ZNF782: variants seen among roughly 807,000 people sequenced by gnomAD.
ZNF782 encodes the protein zinc finger protein 782.
ZNF782 carries 12 observed loss-of-function variants against 13.0 expected under a neutral mutation model. The observed-to-expected ratio is 0.92, with a 90% CI of 0.59 to 1.50. The LOEUF (loss-of-function observed/expected upper bound fraction) is 1.50. ZNF782 is among the 40% of genes most tolerant of loss of function. The probability of loss-of-function intolerance (pLI) is 0.00; values close to 1 mark genes in which losing one functional copy is unlikely to be tolerated. For missense variants in ZNF782, 770 were observed against 822.9 expected (o/e 0.94, Z 0.79); for synonymous variants, 284 against 283.0 (o/e 1.00, Z -0.04).
the ZNF782 span, among the ~76,000 whole-genome samples, chr9:96,905,805 C>T: frequency 6.6e-6 from 1 of 152,208 alleles, no homozygotes; most frequent in Non-Finnish European, 1.5e-5. Flanking sequence ...AGGCTGGTCT[C>T]GAACTCCTGA....
chr9:96,841,036 G>C (rs1851173821), intron 4 of ZNF782, among the ~76,000 whole-genome samples: 2 of 151,814 alleles, frequency 1.3e-5, no homozygotes, highest in South Asian at 4.1e-4. Context: ...AGAGCAAGAA[G>C]ACAGAAATGA....
chr9:96,839,683 A>G (rs749911488), intron 4 of ZNF782, among the ~76,000 whole-genome samples: 2 of 151,696 alleles, frequency 1.3e-5, no homozygotes, highest in African/African-American at 2.4e-5. Context: ...GCTAAATTTT[A>G]TTACTTTCTG....
At chr9:96,919,218 C>T in the ZNF782 span, 1 of 124,986 alleles carries the variant, frequency 8.0e-6, no homozygotes, top group Middle Eastern at 3.8e-3. Flanking sequence ...TAGTGAACCT[C>T]CATCACCAAG....
the ZNF782 span, among the ~76,000 whole-genome samples, chr9:96,898,479 C>T: frequency 9.4e-5 from 14 of 148,988 alleles, 4 homozygotes; most frequent in East Asian, 2.5e-3. Flanking sequence ...AATGAAGTAT[C>T]AATACCTCAT....
chr9:96,848,133 C>A, intron 3 of ZNF782, among the ~76,000 whole-genome samples: 1 of 152,036 alleles, frequency 6.6e-6, no homozygotes, highest in East Asian at 1.9e-4. Context: ...TATAAAAGCT[C>A]TCAACAAACT....
At chr9:96,848,094 A>G (rs1851388339) in intron 3 of ZNF782, among the ~76,000 whole-genome samples, 1 of 152,246 alleles carries the variant, frequency 6.6e-6, no homozygotes, top group Non-Finnish European at 1.5e-5. Flanking sequence ...AGATGCAGAA[A>G]AAACATTTGA....
the ZNF782 span, among the ~76,000 whole-genome samples, chr9:96,912,499 C>T: frequency 9.4e-5 from 14 of 148,514 alleles, no homozygotes; most frequent in African/African-American, 3.4e-4. Context: ...ATCTCAAAAA[C>T]AAAAAGGCCA....
chr9:96,928,085 AT>A, the ZNF782 span, among the ~76,000 whole-genome samples: 1 of 150,594 alleles, frequency 6.6e-6, no homozygotes, highest in South Asian at 2.1e-4. Flanking sequence ...AGGAAAGAAA[AT>A]GTGGTGGCCA....
chr9:96,846,535 G>C (rs1236868360), intron 3 of ZNF782, among the ~76,000 whole-genome samples: 3 of 151,996 alleles, frequency 2.0e-5, no homozygotes, highest in African/African-American at 7.2e-5. Context: ...AAGCAAGCAG[G>C]AGTAGCTATT....
the ZNF782 span, among the ~76,000 whole-genome samples, chr9:96,901,688 C>T: frequency 2.6e-5 from 4 of 151,232 alleles, no homozygotes; most frequent in Admixed American, 6.6e-5. Context: ...GCCTAGCCAA[C>T]GTGGTGAAAC....
chr9:96,838,136 C>G (rs1017898755), intron 4 of ZNF782, among the ~76,000 whole-genome samples: 2 of 152,082 alleles, frequency 1.3e-5, no homozygotes, highest in African/African-American at 4.8e-5. Context: ...GAGAATTTTT[C>G]TTTGACTCAT....
At chr9:96,837,359 TATTTCTGTAGA>T (rs1312627429) in intron 4 of ZNF782, among the ~76,000 whole-genome samples, 1 of 152,234 alleles carries the variant, frequency 6.6e-6, no homozygotes, top group Admixed American at 6.5e-5. Flanking sequence ...TAATCAGTTT[TATTTCTGTAGA>T]ATTGCTAATA....
intron 1 of ZNF782, among the ~76,000 whole-genome samples, chr9:96,865,347 A>G (rs1425823695): frequency 2.6e-5 from 4 of 152,020 alleles, no homozygotes; most frequent in Non-Finnish European, 5.9e-5. Flanking sequence ...TGTTGTTCTC[A>G]TGATAGTGAA....
intron 5 of ZNF782, among the ~76,000 whole-genome samples, chr9:96,823,793 G>C (rs1850507621): frequency 6.6e-6 from 1 of 152,168 alleles, no homozygotes; most frequent in Non-Finnish European, 1.5e-5. Context: ...CTTAACATTA[G>C]TTGATATGGC....
intron 5 of ZNF782, among the ~76,000 whole-genome samples, chr9:96,822,803 G>A (rs913770143): frequency 6.6e-5 from 10 of 152,000 alleles, no homozygotes; most frequent in Admixed American, 2.0e-4. Context: ...CTGGATATTA[G>A]ACAATTTTGA....
At chr9:96,854,697 C>T (rs1851615414), upstream of ZNF782, among the ~76,000 whole-genome samples, 1 of 152,174 alleles carries the variant, frequency 6.6e-6, no homozygotes, top group Non-Finnish European at 1.5e-5. Flanking sequence ...TCAGGCTCTC[C>T]AAGAACAGGG....
At chr9:96,869,109 C>T (rs1851794697) in intron 1 of ZNF782, among the ~76,000 whole-genome samples, 1 of 151,768 alleles carries the variant, frequency 6.6e-6, no homozygotes, top group East Asian at 1.9e-4. Context: ...AACACCAATG[C>T]CAACATCTGC....
intron 4 of ZNF782, 22 bp downstream of exon 4, chr9:96,844,867 AC>A: frequency 6.2e-7 from 1 of 1,613,632 alleles, no homozygotes; most frequent in Non-Finnish European, 8.5e-7. Flanking sequence ...TCTGGAGGGA[AC>A]CCCATGGTAA....
chr9:96,887,282 AAAGAAAGGAAGGAAGGAAGGAAGG>A, the ZNF782 span: 4 of 112,148 alleles, frequency 3.6e-5, no homozygotes, highest in South Asian at 3.3e-4. Flanking sequence ...CCATTGCAAA[AAAGAAAGGAAGGAAGGAAGGAAGG>A]AAGGAAGGAA....
Sources: gnomAD v4.1 joint callset for allele counts (sites outside exome capture counted in the v4.1 genomes callset) on GRCh38, gnomAD v4.1.1 for gene constraint, MANE v1.5 for transcripts, NCBI Gene and HGNC (gene_info 2026-07-23, HGNC 2026-07-21) for gene names.